The following FMN2 variants were observed in gnomAD, a reference collection of about 807,000 sequenced individuals.
FMN2 encodes the protein formin 2.
FMN2 carries 51 observed loss-of-function variants against 142.3 expected under a neutral mutation model. That is an observed-to-expected ratio of 0.36 (90% CI 0.29 to 0.45). FMN2 has a LOEUF of 0.45. Ranked by LOEUF, FMN2 falls within the 20% of genes least tolerant of loss-of-function variation. The pLI, the probability that FMN2 is intolerant of heterozygous loss-of-function variation, is 1.00. For synonymous variants in FMN2, 882 were observed against 869.8 expected (o/e 1.01, Z -0.25); for missense variants, 1,936 against 2,122.8 (o/e 0.91, Z 1.73).
chr1:240,425,478 G>C (rs55650194), intron 15 of FMN2, among the ~76,000 whole-genome samples: 7,191 of 152,116 alleles, frequency 0.047, 529 homozygotes, highest in African/African-American at 0.16. Context: ...AGTTGCTTTT[G>C]TGGATCCATT....
At chr1:240,330,124 TGG>T (rs1217600472) in intron 10 of FMN2, among the ~76,000 whole-genome samples, 1 of 152,180 alleles carries the variant, frequency 6.6e-6, no homozygotes, top group Admixed American at 6.5e-5. Flanking sequence ...GTGAGCTCTT[TGG>T]GGGTAAACCT....
intron 2 of FMN2, among the ~76,000 whole-genome samples, chr1:240,136,245 G>A (rs550335097): frequency 6.6e-6 from 1 of 152,184 alleles, no homozygotes; most frequent in South Asian, 2.1e-4. Flanking sequence ...AACGGGTGAT[G>A]TTTTTCCCCC....
At chr1:240,165,148 T>A (rs1476119681) in intron 2 of FMN2, among the ~76,000 whole-genome samples, 3 of 152,184 alleles carry the variant, frequency 2.0e-5, no homozygotes, top group Non-Finnish European at 4.4e-5. Flanking sequence ...TTTTTAAAAT[T>A]ATTTCTAGTT....
chr1:240,099,435 G>C (rs1661337382), intron 1 of FMN2, among the ~76,000 whole-genome samples: 1 of 151,746 alleles, frequency 6.6e-6, no homozygotes, highest in Non-Finnish European at 1.5e-5. Context: ...ATATGATGGG[G>C]TGTGGCTGTA....
chr1:240,154,523 C>T (rs1663930481), intron 2 of FMN2: 1 of 152,156 alleles, frequency 6.6e-6, no homozygotes, highest in Admixed American at 6.5e-5. Context: ...CCAAGGTGGG[C>T]TGTGAAGGAT....
rs547275948 is a variant in FMN2, at chr1:240,144,564, G to C, written c.1782+21219G>C. On this transcript the variant is annotated intron_variant, in intron 2 of 17. Transcript: ENST00000319653. Reference sequence around the variant, plus strand: ...TCTTCTACCAGCTCCATGTCATTGCGCATCAGTGCCAATCTCAGAGCTTTA... The same window carrying C: ...TCTTCTACCAGCTCCATGTCATTGCCCATCAGTGCCAATCTCAGAGCTTTA... The C allele has an allele frequency of 7.2e-6, 10 of 1,388,568 alleles. No homozygotes were observed. The Admixed American group carries it at 1.5e-4, about 21-fold the overall frequency. 86.0% of individuals were successfully genotyped at this position (1,388,568 alleles called of 1,614,324 possible).
chr1:240,196,716 T>C (rs1385382709), intron 4 of FMN2, among the ~76,000 whole-genome samples: 5 of 152,166 alleles, frequency 3.3e-5, no homozygotes, highest in Non-Finnish European at 5.9e-5. Flanking sequence ...TTTTGCTGTG[T>C]TGGCCAGGCT....
chr1:240,166,627 T>C (rs1321816114), intron 2 of FMN2, among the ~76,000 whole-genome samples: 1 of 152,232 alleles, frequency 6.6e-6, no homozygotes, highest in Non-Finnish European at 1.5e-5. Context: ...AGATGTGATT[T>C]TAATAGCTCT....
intron 8 of FMN2, among the ~76,000 whole-genome samples, chr1:240,313,749 C>T (rs2102990515): frequency 6.6e-6 from 1 of 152,210 alleles, no homozygotes; most frequent in East Asian, 1.9e-4. Flanking sequence ...AGGTGGATCA[C>T]TTGAGGTCAG....
chr1:240,436,359 T>G (rs1675370129), intron 15 of FMN2, among the ~76,000 whole-genome samples: 1 of 152,194 alleles, frequency 6.6e-6, no homozygotes, highest in Non-Finnish European at 1.5e-5. Context: ...ATCCTGGGAA[T>G]CTTGCTGCTC....
intron 2 of FMN2, chr1:240,142,809 A>G: frequency 6.3e-7 from 1 of 1,586,774 alleles, no homozygotes; most frequent in Non-Finnish European, 8.6e-7. Context: ...GAACCCTGTG[A>G]TGGTCTTAGG....
At chr1:240,126,240 C>G (rs1466388928) in intron 2 of FMN2, among the ~76,000 whole-genome samples, 8 of 152,130 alleles carry the variant, frequency 5.3e-5, no homozygotes, top group Non-Finnish European at 1.2e-4. Flanking sequence ...TAATTAGTAT[C>G]TCTGCTGATT....
At chr1:240,148,379 GAGAA>G (rs1440150927) in intron 2 of FMN2, among the ~76,000 whole-genome samples, 17 of 139,612 alleles carry the variant, frequency 1.2e-4, no homozygotes, top group South Asian at 4.5e-4. Context: ...GAGAGAGAGA[GAGAA>G]AGACAGAGAG....
intron 15 of FMN2, among the ~76,000 whole-genome samples, chr1:240,415,876 C>A (rs1191351580): frequency 1.3e-5 from 2 of 152,150 alleles, no homozygotes; most frequent in African/African-American, 4.8e-5. Flanking sequence ...GAGAATACAA[C>A]AATGTTAGAT....
intron 14 of FMN2, among the ~76,000 whole-genome samples, chr1:240,380,026 T>C (rs534087096): frequency 6.6e-6 from 1 of 152,008 alleles, no homozygotes; most frequent in South Asian, 2.1e-4. Context: ...TAGACAGCAA[T>C]AGAGTAATTT....
At chr1:240,260,813 A>G (rs1038272014) in intron 7 of FMN2, among the ~76,000 whole-genome samples, 2 of 152,204 alleles carry the variant, frequency 1.3e-5, no homozygotes, top group African/African-American at 4.8e-5. Flanking sequence ...GTTCTTGGTC[A>G]TGAAGTCTTT....
intron 15 of FMN2, among the ~76,000 whole-genome samples, chr1:240,436,697 A>G (rs1210846035): frequency 6.6e-6 from 1 of 151,358 alleles, no homozygotes; most frequent in Non-Finnish European, 1.5e-5. Flanking sequence ...AAAACTCAAT[A>G]TTTTAATGCT....
intron 1 of FMN2, among the ~76,000 whole-genome samples, chr1:240,113,278 T>C (rs80010045): frequency 2.0e-5 from 3 of 151,766 alleles, no homozygotes; most frequent in East Asian, 2.0e-4. Flanking sequence ...AGAAGTAAGA[T>C]TGTGGCCGGG....
intron 6 of FMN2, among the ~76,000 whole-genome samples, chr1:240,235,169 G>A (rs1335454424): frequency 6.6e-6 from 1 of 152,136 alleles, no homozygotes; most frequent in Admixed American, 6.5e-5. Flanking sequence ...GAGAAAGGGG[G>A]AAAAGATGAA....
Sources: allele counts gnomAD v4.1 joint callset (sites outside exome capture counted in the v4.1 genomes callset), GRCh38; gene constraint gnomAD v4.1.1; transcripts MANE v1.5; gene names NCBI Gene and HGNC (gene_info 2026-07-23, HGNC 2026-07-21).